Variants in VAT1L observed in about 807,000 individuals in gnomAD.
VAT1L encodes the protein putative NADPH-dependent quinone oxidoreductase VAT1L.
Under a neutral mutation model 44.1 loss-of-function variants are expected in VAT1L, and 34 were observed. The ratio of observed to expected loss-of-function variants is 0.77; its 90% confidence interval spans 0.59 to 1.03. The LOEUF is 1.03. VAT1L is among the 50% of genes least tolerant of loss of function. VAT1L has a pLI of 0.00. For synonymous variants in VAT1L, 253 were observed against 202.2 expected, an observed-to-expected ratio of 1.25 and a Z score of -2.13; for missense variants, 615 against 538.8, an observed-to-expected ratio of 1.14 and a Z score of -1.40.
rs770254820 is a variant in VAT1L at position 77,884,607 on chromosome 16, G to A, written c.883-1G>A. On this transcript the variant is annotated splice_acceptor_variant, in intron 6 of 8. Transcript: ENST00000302536. LOFTEE classifies it high-confidence loss of function. The surrounding 1 kb of genome is among the most constrained non-coding windows in gnomAD (Gnocchi z 4.5). ...TAACCCAATACCACCTCTCTTTGCA[G>A]TGGTGGCAGGTGGAGAAGGTGAACC... 1.2e-6 allele frequency: 2 copies of A among 1,612,672 alleles called. No individual in the cohort carries two copies. The highest frequency in any genetic ancestry group is 8.5e-7 in the Non-Finnish European group (1 of 1,179,600).
intron 7 of VAT1L, among the ~76,000 whole-genome samples, chr16:77,969,178 T>C (rs535513195): frequency 9.8e-5 from 15 of 152,342 alleles, no homozygotes; most frequent in African/African-American, 3.6e-4. Flanking sequence ...TATCGAGATA[T>C]TGTTATCAGC....
At chr16:77,867,458 GTTCATTCA>G (rs200714097) in intron 4 of VAT1L, among the ~76,000 whole-genome samples, 26 of 151,806 alleles carry the variant, frequency 1.7e-4, no homozygotes, top group African/African-American at 4.4e-4. Context: ...CAGACCTTTT[GTTCATTCA>G]TTCATTCATT....
chr16:77,975,580 C>T (rs2018330313), intron 8 of VAT1L, among the ~76,000 whole-genome samples: 1 of 152,180 alleles, frequency 6.6e-6, no homozygotes, highest in South Asian at 2.1e-4. Flanking sequence ...ACACACTGCT[C>T]CTCTAGAATA....
chr16:77,920,805 A>G (rs1014014008), intron 7 of VAT1L, among the ~76,000 whole-genome samples: 3 of 152,166 alleles, frequency 2.0e-5, no homozygotes, highest in Non-Finnish European at 4.4e-5. Context: ...CATACGGCCT[A>G]GGTGTATGGT....
intron 3 of VAT1L, among the ~76,000 whole-genome samples, chr16:77,825,798 C>T (rs1214003399): frequency 6.6e-6 from 1 of 150,568 alleles, no homozygotes. Flanking sequence ...GGGCAGATCA[C>T]GAAGTCAGGA....
chr16:77,794,927 G>A (rs1029410685), intron 1 of VAT1L, among the ~76,000 whole-genome samples: 8 of 152,236 alleles, frequency 5.3e-5, no homozygotes, highest in African/African-American at 1.4e-4. Flanking sequence ...TGGGGATGGT[G>A]ACAATATCCG....
At chr16:77,906,813 G>A (rs4887923) in intron 7 of VAT1L, among the ~76,000 whole-genome samples, 9,375 of 152,284 alleles carry the variant, frequency 0.062, 397 homozygotes, top group East Asian at 0.2. Flanking sequence ...GCTAAAGGCA[G>A]GGCCCAAGGA....
chr16:77,797,923 T>C (rs1261655239), intron 1 of VAT1L, among the ~76,000 whole-genome samples: 2 of 152,220 alleles, frequency 1.3e-5, no homozygotes, highest in Non-Finnish European at 2.9e-5. Context: ...AGCCATGGTA[T>C]GAAAATGAGT....
chr16:77,914,769 T>C (rs898425860), intron 7 of VAT1L, among the ~76,000 whole-genome samples: 4 of 151,994 alleles, frequency 2.6e-5, no homozygotes, highest in African/African-American at 7.2e-5. Flanking sequence ...TGGTAAGAAA[T>C]AGTGTTATCA....
At chr16:77,795,391 A>G (rs2015911231) in intron 1 of VAT1L, among the ~76,000 whole-genome samples, 2 of 152,222 alleles carry the variant, frequency 1.3e-5, no homozygotes, top group South Asian at 4.1e-4. Context: ...TAAATGGCAA[A>G]TAGCTTAACA....
chr16:77,820,674 C>T (rs2016437415), intron 2 of VAT1L, among the ~76,000 whole-genome samples: 1 of 152,128 alleles, frequency 6.6e-6, no homozygotes, highest in African/African-American at 2.4e-5. Context: ...TTCTGCTCTT[C>T]AAAGGCTCCT....
At chr16:77,917,461 A>G (rs2017563485) in intron 7 of VAT1L, among the ~76,000 whole-genome samples, 1 of 152,220 alleles carries the variant, frequency 6.6e-6, no homozygotes, top group South Asian at 2.1e-4. Flanking sequence ...TAACAGAGAT[A>G]ATTAAATTCA....
intron 7 of VAT1L, among the ~76,000 whole-genome samples, chr16:77,926,577 C>T (rs2017671686): frequency 6.6e-6 from 1 of 151,964 alleles, no homozygotes; most frequent in Non-Finnish European, 1.5e-5. Flanking sequence ...AGCAAGACTC[C>T]ATCTCAAAAA....
chr16:77,880,722 G>C (rs2017144131), intron 6 of VAT1L, among the ~76,000 whole-genome samples: 4 of 150,200 alleles, frequency 2.7e-5, no homozygotes, highest in African/African-American at 7.4e-5. Context: ...CACATAGTGA[G>C]CATAGTACCC....
In VAT1L at chr16:77,788,663, GC is replaced by G; in HGVS notation, c.-16del. ...CCACCGCAGCCACCGCAGCCCGTGCGCCCCGCGCCCTCGAGCGCCATGGCCA... is the reference window on the plus strand; with the variant it reads ...CCACCGCAGCCACCGCAGCCCGTGCGCCCGCGCCCTCGAGCGCCATGGCCA... On this transcript the variant is annotated 5_prime_UTR_variant, in exon 1 of 9. Coordinates refer to ENST00000302536, the MANE Select transcript of VAT1L (RefSeq NM_020927.3). 6.5e-7 allele frequency: 1 copy of G among 1,546,660 alleles called. No homozygotes were observed. The highest frequency in any genetic ancestry group is 8.7e-7 in the Non-Finnish European group (1 of 1,145,666).
chr16:77,974,406 C>A (rs928012583), intron 8 of VAT1L, among the ~76,000 whole-genome samples: 1 of 152,312 alleles, frequency 6.6e-6, no homozygotes. Context: ...GTGTCCATCA[C>A]ACATGAGTTG....
intron 7 of VAT1L, among the ~76,000 whole-genome samples, chr16:77,955,172 A>C (rs2018088816): frequency 6.6e-6 from 1 of 152,214 alleles, no homozygotes; most frequent in East Asian, 1.9e-4. Flanking sequence ...TCAAGAGCCC[A>C]TGGAGCAATG....
chr16:77,901,692 A>T (rs1455138646), intron 7 of VAT1L, among the ~76,000 whole-genome samples: 1 of 152,090 alleles, frequency 6.6e-6, no homozygotes, highest in Non-Finnish European at 1.5e-5. Context: ...ATCACTAATC[A>T]ATCCCACTTG....
chr16:77,922,047 C>T (rs1314002244), intron 7 of VAT1L, among the ~76,000 whole-genome samples: 1 of 152,174 alleles, frequency 6.6e-6, no homozygotes, highest in Non-Finnish European at 1.5e-5. Flanking sequence ...TGCATTCTAG[C>T]CACATATACT....
Sources: allele counts gnomAD v4.1 joint callset (sites outside exome capture counted in the v4.1 genomes callset), GRCh38; gene constraint gnomAD v4.1.1; non-coding constraint Gnocchi (gnomAD v3.1); transcripts MANE v1.5; gene names NCBI Gene and HGNC (gene_info 2026-07-23, HGNC 2026-07-21).